The following ANK1 variants were observed in gnomAD, a reference collection of about 807,000 sequenced individuals.
ANK1 encodes the protein ankyrin 1.
ANK1 carries 51 observed loss-of-function variants against 210.4 expected under a neutral mutation model. The ratio of observed to expected loss-of-function variants is 0.24; its 90% CI spans 0.19 to 0.31. The LOEUF (loss-of-function observed/expected upper bound fraction) is 0.31. ANK1 is among the 10% of genes least tolerant of loss of function. The pLI is 1.00. For synonymous variants in ANK1, 967 were observed against 1,025.9 expected (o/e 0.94, Z 1.10); for missense variants, 2,051 against 2,504.4 (o/e 0.82, Z 3.86).
intron 1 of ANK1, among the ~76,000 whole-genome samples, chr8:41,785,550 A>G (rs1039165824): frequency 6.6e-6 from 1 of 152,132 alleles, no homozygotes; most frequent in Non-Finnish European, 1.5e-5. Context: ...TCACGGGATA[A>G]CTATGGGGAT....
chr8:41,737,817 T>C (rs56198301), intron 2 of ANK1, among the ~76,000 whole-genome samples: 11,862 of 152,032 alleles, frequency 0.078, 1,420 homozygotes, highest in African/African-American at 0.26. Context: ...AAAAAACACA[T>C]GGGGACGGGG....
intron 1 of ANK1, among the ~76,000 whole-genome samples, chr8:41,825,818 A>C (rs1805272892): frequency 6.6e-6 from 1 of 152,200 alleles, no homozygotes; most frequent in Non-Finnish European, 1.5e-5. Context: ...TGATGGTTCT[A>C]TAAAGGGGAG....
chr8:41,676,181 T>C (rs1305600244), intron 37 of ANK1, among the ~76,000 whole-genome samples: 1 of 152,234 alleles, frequency 6.6e-6, no homozygotes, highest in Non-Finnish European at 1.5e-5. Context: ...ATCAAGTGGT[T>C]GTACCATTTT....
At position 41,694,623 on chromosome 8, in the gene ANK1, G is replaced by A; in HGVS notation, c.3296C>T (p.Ala1099Val). ...AGCCAGCTTCACTCTCTTGGTGACG[G>A]CATTCTCCGGGAACGTTGCCTGTAC... is the stretch of plus-strand genomic sequence containing the variant. ...PLVQATFPEN[A>V]VTKRVKLALQ... The change falls in exon 28 of 43, where the codon GCC (alanine) becomes GTC (valine). Residue 1099 changes from alanine (A) to valine (V), a missense_variant. Coordinates refer to ENST00000289734, the MANE Select transcript of ANK1 (RefSeq NM_000037.4). The surrounding 1 kb of genome is among the most constrained non-coding windows in gnomAD (Gnocchi z 5.7). 6.2e-7 allele frequency: 1 copy of A among 1,613,868 alleles called. No individual in the cohort carries two copies. The highest frequency in any genetic ancestry group is 8.5e-7 in the Non-Finnish European group (1 of 1,179,992).
intron 16 of ANK1, among the ~76,000 whole-genome samples, chr8:41,712,222 G>A (rs1161337698): frequency 2.6e-5 from 4 of 152,126 alleles, no homozygotes; most frequent in Non-Finnish European, 4.4e-5. Context: ...ACCGTGCCCG[G>A]CCCTATTAGG....
At chr8:41,692,506 T>C (rs1819547942) in intron 31 of ANK1, 142 bp downstream of exon 31, 5 of 821,010 alleles carry the variant, frequency 6.1e-6, no homozygotes, top group Non-Finnish European at 1.0e-5. Flanking sequence ...AAGATGCTTC[T>C]CAAGAGGGGT....
intron 38 of ANK1, among the ~76,000 whole-genome samples, chr8:41,670,012 C>G (rs1811780095): frequency 6.6e-6 from 1 of 152,122 alleles, no homozygotes; most frequent in East Asian, 1.9e-4. Context: ...GGCACTCATG[C>G]AGGCCTCCCC....
In ANK1 at chr8:41,692,580, T is replaced by C. The variant is rs60999018; in HGVS notation, c.3858+68A>G. ...GGGAGGACTGCCTGCCTGCACCTGG[T>C]AATGGTGTTCTGGAGAAAACGGCAG... On this transcript the variant is annotated intron_variant, in intron 31 of 42. Transcript: ENST00000289734. The C allele has an allele frequency of 3.0e-3, 4,490 of 1,487,978 alleles. 115 individuals carry two copies. In the African/African-American group the frequency reaches 0.054, roughly 18 times the overall value. 92.2% of individuals were successfully genotyped at this position (1,487,978 alleles called of 1,614,324 possible). A position where few individuals can be genotyped will look rare whatever the true frequency, so the allele number is the denominator to read the frequency against.
At chr8:41,680,165 A>G (rs1314375914) in intron 37 of ANK1, among the ~76,000 whole-genome samples, 1 of 152,214 alleles carries the variant, frequency 6.6e-6, no homozygotes, top group African/African-American at 2.4e-5. Context: ...GGGAGAGGGC[A>G]GCTTTGCGCC....
At chr8:41,677,909 A>G (rs952083819) in intron 37 of ANK1, among the ~76,000 whole-genome samples, 2 of 152,056 alleles carry the variant, frequency 1.3e-5, no homozygotes, top group South Asian at 4.2e-4. Flanking sequence ...GTTGTTTCTA[A>G]TAAGAAATCT....
intron 1 of ANK1, among the ~76,000 whole-genome samples, chr8:41,887,093 C>T (rs13266762): frequency 6.6e-6 from 1 of 151,780 alleles, no homozygotes; most frequent in Admixed American, 6.6e-5. Flanking sequence ...ATCAGCTATA[C>T]ATTCCAGATT....
chr8:41,767,730 C>G (rs1406741484), intron 1 of ANK1, among the ~76,000 whole-genome samples: 3 of 152,112 alleles, frequency 2.0e-5, no homozygotes, highest in Non-Finnish European at 4.4e-5. Flanking sequence ...GGGCGGGCGT[C>G]CTGCCCCTGC....
chr8:41,664,812 A>G, intron 39 of ANK1: 1 of 1,606,420 alleles, frequency 6.2e-7, no homozygotes, highest in South Asian at 1.1e-5. Context: ...TACCTTCAGG[A>G]AGACCCGCCG....
At chr8:41,841,120 A>T (rs1265933271) in intron 1 of ANK1, among the ~76,000 whole-genome samples, 2 of 152,200 alleles carry the variant, frequency 1.3e-5, no homozygotes, top group Non-Finnish European at 2.9e-5. Flanking sequence ...CTGCGGCAGT[A>T]TTCACCGCAG....
chr8:41,713,118 C>CA (rs1410666201), intron 16 of ANK1, among the ~76,000 whole-genome samples: 1 of 152,230 alleles, frequency 6.6e-6, no homozygotes, highest in African/African-American at 2.4e-5. Context: ...GGCCCTAAGC[C>CA]AGCAGGTGTT....
rs529798052 is a variant in ANK1 at position 41,753,226 on chromosome 8, G to A, written c.129+4810C>T. Reference sequence around the variant, plus strand: ...ATTACAGGTGCCTGCCATCATGCCCGGCTAATTTTTTATTTTAGTGGAGAC... The same window carrying A: ...ATTACAGGTGCCTGCCATCATGCCCAGCTAATTTTTTATTTTAGTGGAGAC... On this transcript the variant is annotated intron_variant, in intron 2 of 42. Transcript: ENST00000289734. Among the ~76,000 whole-genome samples the A allele has an allele frequency of 1.1e-4, 17 of 152,024 alleles. No individual in the cohort carries two copies. The South Asian group carries it at 2.3e-3, about 21-fold the overall frequency.
At chr8:41,663,999 G>A (rs1809476383) in intron 39 of ANK1, 25 of 615,168 alleles carry the variant, frequency 4.1e-5, no homozygotes, top group South Asian at 3.8e-4. Context: ...AACACCCCCT[G>A]GGAACCTGCA....
In ANK1 at chr8:41,764,722, C is replaced by T. The variant is rs149848138; in HGVS notation, c.28-6585G>A. Among the ~76,000 whole-genome samples, 842 of 152,304 alleles carry T rather than the reference C, an allele frequency of 5.5e-3. 8 individuals are homozygous for T. Among genetic ancestry groups the T allele is most frequent in the Non-Finnish European group, 7.8e-3 (532 of 68,026 alleles). On this transcript the variant is annotated intron_variant, in intron 1 of 42. Coordinates refer to ENST00000289734, the MANE Select transcript of ANK1 (RefSeq NM_000037.4). ...ATCTAATTCTACCTGTGTGCGTGTT[C>T]GGGGATCTGCACACAGCAGACATTC... is the stretch of plus-strand genomic sequence containing the variant.
chr8:41,816,563 C>G (rs1011885020), intron 1 of ANK1, among the ~76,000 whole-genome samples: 2 of 152,134 alleles, frequency 1.3e-5, no homozygotes, highest in African/African-American at 4.8e-5. Context: ...CTCAGCCTCC[C>G]AAGTAGCTGG....
Sources: gnomAD v4.1 joint callset for allele counts (sites outside exome capture counted in the v4.1 genomes callset) on GRCh38, gnomAD v4.1.1 for gene constraint, Gnocchi (gnomAD v3.1) non-coding constraint, MANE v1.5 for transcripts, NCBI Gene and HGNC (gene_info 2026-07-23, HGNC 2026-07-21) for gene names.